Variants in CCSER1 observed in about 807,000 individuals in gnomAD.
CCSER1 encodes coiled-coil serine rich protein 1, also known as serine-rich coiled-coil domain-containing protein 1.
Under a neutral mutation model 82.0 loss-of-function variants are expected in CCSER1, and 41 were observed. The ratio of observed to expected loss-of-function variants is 0.50; its 90% CI spans 0.39 to 0.65. The LOEUF is 0.65. CCSER1 is among the 30% of genes least tolerant of loss of function. The pLI, the probability that CCSER1 is intolerant of heterozygous loss-of-function variation, is 0.00. For missense variants in CCSER1, 1,119 were observed against 1,064.2 expected, an observed-to-expected ratio of 1.05 and a Z score of -0.72; for synonymous variants, 414 against 383.9, an observed-to-expected ratio of 1.08 and a Z score of -0.92.
intron 8 of CCSER1, among the ~76,000 whole-genome samples, chr4:90,818,279 C>CTTTTTTTTT (rs1251264832): frequency 7.5e-6 from 1 of 132,866 alleles, no homozygotes; most frequent in Non-Finnish European, 1.6e-5. Flanking sequence ...TCTTTTTTTT[C>CTTTTTTTTT]TTTTTTTTTT....
intron 10 of CCSER1, among the ~76,000 whole-genome samples, chr4:91,204,316 G>T (rs1736162604): frequency 6.6e-6 from 1 of 151,718 alleles, no homozygotes; most frequent in Non-Finnish European, 1.5e-5. Flanking sequence ...AGACCTTTTG[G>T]CTGACTTTTG....
At chr4:90,792,881 A>G (rs1159619173) in intron 7 of CCSER1, among the ~76,000 whole-genome samples, 1 of 152,088 alleles carries the variant, frequency 6.6e-6, no homozygotes, top group African/African-American at 2.4e-5. Flanking sequence ...GGCCTGGTGG[A>G]TGGAGTAAAG....
chr4:90,587,767 T>C (rs1023934210), intron 5 of CCSER1, among the ~76,000 whole-genome samples: 1 of 152,214 alleles, frequency 6.6e-6, no homozygotes, highest in East Asian at 1.9e-4. Context: ...TTTGCCTAGA[T>C]TCTCCACATT....
At chr4:90,657,101 C>T (rs1729835356) in intron 6 of CCSER1, among the ~76,000 whole-genome samples, 1 of 151,952 alleles carries the variant, frequency 6.6e-6, no homozygotes, top group Non-Finnish European at 1.5e-5. Flanking sequence ...TGAAGAACTT[C>T]CTTAATATTT....
chr4:91,456,707 C>G (rs939480587), intron 10 of CCSER1, among the ~76,000 whole-genome samples: 1 of 151,996 alleles, frequency 6.6e-6, no homozygotes, highest in Non-Finnish European at 1.5e-5. Flanking sequence ...ACCACTCATA[C>G]TTTCTGTTTT....
At chr4:91,272,369 A>G (rs965204491) in intron 10 of CCSER1, among the ~76,000 whole-genome samples, 1 of 152,026 alleles carries the variant, frequency 6.6e-6, no homozygotes, top group Admixed American at 6.6e-5. Flanking sequence ...GCATTTTTTC[A>G]TATATTTATT....
intron 4 of CCSER1, among the ~76,000 whole-genome samples, chr4:90,409,015 G>A (rs1180511384): frequency 1.3e-5 from 2 of 152,194 alleles, no homozygotes; most frequent in Non-Finnish European, 2.9e-5. Context: ...CGATCAACTG[G>A]AAGAAAGGGT....
At chr4:90,817,164 T>C (rs563723624) in intron 8 of CCSER1, among the ~76,000 whole-genome samples, 1 of 152,218 alleles carries the variant, frequency 6.6e-6, no homozygotes, top group Admixed American at 6.5e-5. Context: ...CTAATAATGC[T>C]TTTTTACGTT....
Position 90,201,630 on chromosome 4 carries a change from C to T in CCSER1, c.-42+73799C>T, listed in dbSNP as rs181218964. ...GAAATCCTGTGTGTATTTACACTTA[C>T]GGAACATCTTAATTTGGACAAGATG... is the stretch of plus-strand genomic sequence containing the variant. On this transcript the variant is annotated intron_variant, in intron 1 of 10. Transcript: ENST00000509176. Among the ~76,000 whole-genome samples, 202 of 151,638 alleles carry T rather than the reference C, an allele frequency of 1.3e-3. 2 individuals carry two copies. In the Middle Eastern group the frequency reaches 0.017, roughly 13 times the overall value.
At chr4:90,782,975 G>C (rs1216360985) in intron 7 of CCSER1, among the ~76,000 whole-genome samples, 1 of 149,364 alleles carries the variant, frequency 6.7e-6, no homozygotes, top group South Asian at 2.1e-4. Context: ...GCTCTGCCGC[G>C]CAGGCTGGAG....
At chr4:91,319,450 T>G (rs760497223) in intron 10 of CCSER1, among the ~76,000 whole-genome samples, 1 of 152,000 alleles carries the variant, frequency 6.6e-6, no homozygotes, top group Non-Finnish European at 1.5e-5. Flanking sequence ...TCATTATGTG[T>G]GAAGGTCTAG....
chr4:90,732,710 A>C (rs938379792), intron 7 of CCSER1, among the ~76,000 whole-genome samples: 1 of 152,144 alleles, frequency 6.6e-6, no homozygotes, highest in Non-Finnish European at 1.5e-5. Context: ...TAAGCACTAT[A>C]TATTAATTTG....
chr4:90,297,453 A>T (rs1258621411), intron 1 of CCSER1, among the ~76,000 whole-genome samples: 1 of 151,894 alleles, frequency 6.6e-6, no homozygotes, highest in African/African-American at 2.4e-5. Flanking sequence ...GGACAGTTTG[A>T]CTTCCTCTTT....
At chr4:91,427,979 T>C (rs1260466495) in intron 10 of CCSER1, among the ~76,000 whole-genome samples, 1 of 152,040 alleles carries the variant, frequency 6.6e-6, no homozygotes, top group African/African-American at 2.4e-5. Context: ...GCTCTGCAGG[T>C]GATTCACATC....
intron 10 of CCSER1, among the ~76,000 whole-genome samples, chr4:91,456,294 G>C (rs987322054): frequency 6.6e-6 from 1 of 151,898 alleles, no homozygotes; most frequent in African/African-American, 2.4e-5. Context: ...CCTCCCAAAG[G>C]TCTCATTTCC....
intron 6 of CCSER1, among the ~76,000 whole-genome samples, chr4:90,659,207 G>T (rs1377957104): frequency 6.6e-6 from 1 of 151,818 alleles, no homozygotes; most frequent in Non-Finnish European, 1.5e-5. Context: ...ATTTCTGGGA[G>T]ATCATTCTCT....
intron 3 of CCSER1, among the ~76,000 whole-genome samples, chr4:90,379,998 C>T (rs1259174705): frequency 6.6e-6 from 1 of 152,144 alleles, no homozygotes; most frequent in African/African-American, 2.4e-5. Context: ...AGAACTCACT[C>T]ACTTTCCTAA....
intron 7 of CCSER1, among the ~76,000 whole-genome samples, chr4:90,771,565 T>TG (rs1554009978): frequency 3.1e-5 from 3 of 98,342 alleles, no homozygotes; most frequent in Non-Finnish European, 6.9e-5. Flanking sequence ...TGCCGGGCAC[T>TG]AAAAAAAAAA....
intron 8 of CCSER1, among the ~76,000 whole-genome samples, chr4:90,844,437 A>G (rs1445579295): frequency 6.6e-6 from 1 of 152,062 alleles, no homozygotes; most frequent in African/African-American, 2.4e-5. Context: ...CCCCTCCCTC[A>G]TTCCACTCCA....
Sources: gnomAD v4.1 joint callset for allele counts (sites outside exome capture counted in the v4.1 genomes callset) on GRCh38, gnomAD v4.1.1 for gene constraint, MANE v1.5 for transcripts, NCBI Gene and HGNC (gene_info 2026-07-23, HGNC 2026-07-21) for gene names.